CENPI: variants seen among roughly 807,000 people sequenced by gnomAD.
CENPI encodes the protein FSH primary response 1.
Under a neutral mutation model 60.4 loss-of-function variants are expected in CENPI, and 4 were observed. The observed-to-expected ratio is 0.07, with a 90% CI of 0.03 to 0.15. The LOEUF is 0.15. Ranked by LOEUF, CENPI falls within the 10% of genes least tolerant of loss-of-function variation. The probability of loss-of-function intolerance (pLI) is 1.00; values close to 1 mark genes in which losing one functional copy is unlikely to be tolerated. For synonymous variants in CENPI, 157 were observed against 189.4 expected, an observed-to-expected ratio of 0.83 and a Z score of 1.40; for missense variants, 444 against 534.5, an observed-to-expected ratio of 0.83 and a Z score of 1.67.
At chrX:101,135,375 G>T (rs1313967352) in intron 15 of CENPI, among the ~76,000 whole-genome samples, 1 of 111,575 alleles carries the variant, frequency 9.0e-6, no homozygotes, top group Non-Finnish European at 1.9e-5. Context: ...AAGATTCCAA[G>T]TGATAGCAGA....
the CENPI span, among the ~76,000 whole-genome samples, chrX:101,178,108 G>T: frequency 9.0e-6 from 1 of 111,345 alleles, no homozygotes; most frequent in African/African-American, 3.3e-5. Context: ...TGGAAATGTG[G>T]ATCACTGGGG....
intron 4 of CENPI, among the ~76,000 whole-genome samples, chrX:101,106,003 C>T (rs1602762329): frequency 9.1e-6 from 1 of 110,228 alleles, no homozygotes; most frequent in East Asian, 2.8e-4. Context: ...TCTTTACATG[C>T]AGCTCTTTTG....
rs141530959 is a variant in CENPI at position 101,164,176 on chromosome X, A to G, written c.*1209A>G. On this transcript the variant is annotated 3_prime_UTR_variant, in exon 22 of 22. Coordinates refer to ENST00000682095, the MANE Select transcript of CENPI (RefSeq NM_001386188.2). Reference sequence around the variant, plus strand: ...TCCCCATTTAAAAAACAAACCCTAAACTATATTATTGGATGGCGTTCAGAC... The same window carrying G: ...TCCCCATTTAAAAAACAAACCCTAAGCTATATTATTGGATGGCGTTCAGAC... Among the ~76,000 whole-genome samples, 2 of 111,216 alleles carry G rather than the reference A, an allele frequency of 1.8e-5. No homozygotes were observed. The highest frequency in any genetic ancestry group is 9.6e-5 in the Admixed American group (1 of 10,398).
At chrX:101,156,927 T>C (rs964602848) in intron 20 of CENPI, among the ~76,000 whole-genome samples, 2 of 111,620 alleles carry the variant, frequency 1.8e-5, no homozygotes, top group Admixed American at 1.9e-4. Context: ...GTTAGTTCCA[T>C]ATTTTTGCAG....
the CENPI span, among the ~76,000 whole-genome samples, chrX:101,174,462 C>G: frequency 4.3e-3 from 477 of 112,219 alleles, 2 homozygotes; most frequent in African/African-American, 0.015. Flanking sequence ...ATGACACATA[C>G]ATGCCATAGA....
intron 20 of CENPI, 93 bp from the exon 21 acceptor site, chrX:101,161,435 G>A: frequency 1.3e-6 from 1 of 784,296 alleles, no homozygotes; most frequent in Non-Finnish European, 1.9e-6. Context: ...TTAATTTTCT[G>A]ATGATTTGTA....
At chrX:101,103,637 G>A (rs1003910948) in intron 4 of CENPI, among the ~76,000 whole-genome samples, 12 of 111,917 alleles carry the variant, frequency 1.1e-4, no homozygotes, top group South Asian at 3.7e-4. Flanking sequence ...CACTGTGTCC[G>A]ACCTTCCTTT....
chrX:101,150,566 C>T (rs67001234), intron 20 of CENPI, among the ~76,000 whole-genome samples: 24,196 of 109,175 alleles, frequency 0.22, 2,000 homozygotes, highest in South Asian at 0.34. Context: ...GATGGAGTTT[C>T]GCCATGTTGT....
chrX:101,127,051 T>C, intron 9 of CENPI, 87 bp from the exon 10 acceptor site: 2 of 790,931 alleles, frequency 2.5e-6, no homozygotes, highest in South Asian at 3.6e-5. Context: ...TTTCATAATA[T>C]ATTTTCAATT....
the CENPI span, among the ~76,000 whole-genome samples, chrX:101,178,398 C>CCTTTTTT: frequency 2.5e-5 from 1 of 39,976 alleles, no homozygotes; most frequent in East Asian, 7.4e-4. Context: ...TTTTCTTCTT[C>CCTTTTTT]TTTTTTTTTT....
chrX:101,128,001 C>A (rs2089754172), intron 11 of CENPI, among the ~76,000 whole-genome samples: 1 of 111,115 alleles, frequency 9.0e-6, no homozygotes, highest in African/African-American at 3.3e-5. Context: ...AGTTCAAGAC[C>A]AGCCTGGCCA....
At chrX:101,112,476 A>G (rs2089565632) in intron 6 of CENPI, among the ~76,000 whole-genome samples, 1 of 112,213 alleles carries the variant, frequency 8.9e-6, no homozygotes, top group Admixed American at 9.5e-5. Flanking sequence ...AGTGTTTCAG[A>G]TTCCACATTG....
intron 4 of CENPI, 81 bp downstream of exon 4, chrX:101,102,492 T>A: frequency 3.3e-6 from 1 of 305,381 alleles, no homozygotes. Flanking sequence ...ATCTTATATA[T>A]ATATACACAC....
chrX:101,143,119 G>A (rs772113004), intron 16 of CENPI, among the ~76,000 whole-genome samples: 1 of 107,072 alleles, frequency 9.3e-6, no homozygotes, highest in Non-Finnish European at 1.9e-5. Flanking sequence ...AGCTGGCTAT[G>A]TGTAGATGCT....
rs755529241 is a variant in CENPI at position 101,164,869 on chromosome X, A to C, written c.*1902A>C. Among the ~76,000 whole-genome samples, 4 of 112,182 alleles carry C rather than the reference A, an allele frequency of 3.6e-5. No individual in the cohort carries two copies. In the Admixed American group the frequency reaches 3.8e-4, roughly 11 times the overall value. On this transcript the variant is annotated 3_prime_UTR_variant, in exon 22 of 22. Transcript: ENST00000682095. Reference sequence around the variant, plus strand: ...ATCTTTGCATCCCGGGATGAATCCCACTGGGACAGAATGTGGAGAGGGTTG... The same window carrying C: ...ATCTTTGCATCCCGGGATGAATCCCCCTGGGACAGAATGTGGAGAGGGTTG...
chrX:101,124,414 C>T (rs938273840), intron 8 of CENPI, among the ~76,000 whole-genome samples: 1 of 111,123 alleles, frequency 9.0e-6, no homozygotes, highest in Non-Finnish European at 1.9e-5. Context: ...AGTCAATTTG[C>T]TTTATTCAAA....
In CENPI at chrX:101,127,253, G is replaced by A. The variant is rs1369005501; in HGVS notation, c.893G>A (p.Arg298His). 4.3e-6 allele frequency: 5 copies of A among 1,173,492 alleles called. No homozygotes were observed. The highest frequency in any genetic ancestry group is 3.6e-5 in the African/African-American group (2 of 56,126). ...LKLMLGPANV[R>H]PLKRKWNSLS... ...TTGATGTTAGGTCCAGCTAATGTTC[G>A]TCCTCTAAAAAGAGTAAGTATCTAA... The change falls in exon 10 of 22, where the codon CGT (arginine) becomes CAT (histidine). Residue 298 changes from arginine to histidine, a missense_variant. Coordinates refer to ENST00000682095, the MANE Select transcript of CENPI (RefSeq NM_001386188.2).
At chrX:101,173,204 C>T in the CENPI span, among the ~76,000 whole-genome samples, 20 of 106,914 alleles carry the variant, frequency 1.9e-4, no homozygotes, top group Non-Finnish European at 3.3e-4. Flanking sequence ...TTAGTAGAGA[C>T]GGGGTTTCAC....
chrX:101,139,497 A>T (rs2148218182), intron 15 of CENPI, among the ~76,000 whole-genome samples: 1 of 112,675 alleles, frequency 8.9e-6, no homozygotes, highest in South Asian at 3.6e-4. Flanking sequence ...TGTAATGTTG[A>T]ATATCTTCAA....
Sources: gnomAD v4.1 joint callset for allele counts (sites outside exome capture counted in the v4.1 genomes callset) on GRCh38, gnomAD v4.1.1 for gene constraint, MANE v1.5 for transcripts, NCBI Gene and HGNC (gene_info 2026-07-23, HGNC 2026-07-21) for gene names.